The following LRRC7 variants were observed in gnomAD, a reference collection of about 807,000 sequenced individuals.
The protein encoded by LRRC7 is leucine-rich repeat-containing protein 7.
A neutral mutation model predicts 175.7 loss-of-function variants in LRRC7; 23 were observed. The ratio of observed to expected loss-of-function variants is 0.13; its 90% confidence interval spans 0.09 to 0.19. The LOEUF is 0.19. LRRC7 is among the 10% of genes least tolerant of loss of function. The probability of loss-of-function intolerance (pLI) is 1.00; values close to 1 mark genes in which losing one functional copy is unlikely to be tolerated. For missense variants in LRRC7, 1,354 were observed against 1,904.7 expected (o/e 0.71, Z 5.38); for synonymous variants, 685 against 680.9 (o/e 1.01, Z -0.09).
intron 1 of LRRC7, among the ~76,000 whole-genome samples, chr1:69,677,791 A>T (rs551702916): frequency 1.7e-4 from 26 of 152,018 alleles, no homozygotes; most frequent in Admixed American, 4.6e-4. Flanking sequence ...AATACCATAG[A>T]CTCGGTGGCT....
intron 4 of LRRC7, among the ~76,000 whole-genome samples, chr1:69,823,388 T>G (rs1679526769): frequency 6.6e-6 from 1 of 152,192 alleles, no homozygotes; most frequent in Admixed American, 6.5e-5. Context: ...TCTTCTATAG[T>G]TTTTCTTTCA....
intron 7 of LRRC7, among the ~76,000 whole-genome samples, chr1:69,840,440 A>G (rs542758905): frequency 7.2e-5 from 11 of 152,186 alleles, no homozygotes; most frequent in African/African-American, 2.4e-4. Flanking sequence ...CTGAGAAGAG[A>G]TAACTCATGA....
chr1:69,757,471 C>T (rs922154592), intron 2 of LRRC7, among the ~76,000 whole-genome samples: 4 of 151,878 alleles, frequency 2.6e-5, no homozygotes, highest in Non-Finnish European at 5.9e-5. Flanking sequence ...GAAGAATTCC[C>T]ATGGAGCAGA....
At chr1:70,008,789 G>A (rs1656218649) in intron 11 of LRRC7, among the ~76,000 whole-genome samples, 1 of 152,128 alleles carries the variant, frequency 6.6e-6, no homozygotes, top group Non-Finnish European at 1.5e-5. Context: ...GAGACAGGAA[G>A]GCAACACATG....
At chr1:70,083,032 A>G (rs1474638195) in intron 24 of LRRC7, among the ~76,000 whole-genome samples, 3 of 151,318 alleles carry the variant, frequency 2.0e-5, no homozygotes, top group African/African-American at 7.3e-5. Flanking sequence ...TGATCCACCC[A>G]CCTCAGCCTC....
intron 2 of LRRC7, among the ~76,000 whole-genome samples, chr1:69,686,317 G>A (rs1215660659): frequency 6.6e-6 from 1 of 152,108 alleles, no homozygotes; most frequent in African/African-American, 2.4e-5. Flanking sequence ...AGGAAGTAAA[G>A]AACAGTAGAA....
At chr1:69,905,904 T>A (rs923867608) in intron 7 of LRRC7, among the ~76,000 whole-genome samples, 8 of 152,214 alleles carry the variant, frequency 5.3e-5, no homozygotes, top group Non-Finnish European at 1.0e-4. Flanking sequence ...TTTCTCCACA[T>A]CCTCTCCAGC....
intron 2 of LRRC7, among the ~76,000 whole-genome samples, chr1:69,724,418 G>A (rs573764956): frequency 6.6e-6 from 1 of 152,286 alleles, no homozygotes; most frequent in Admixed American, 6.5e-5. Flanking sequence ...TGTGACAGCA[G>A]TTTGAGAGAT....
In LRRC7 at chr1:69,680,113, G is replaced by GAGCAGCAGC. The variant is rs761659533; in HGVS notation, c.100+1646_100+1654dup. 2.6e-5 allele frequency among the ~76,000 whole-genome samples: 4 copies of GAGCAGCAGC among 152,134 alleles called. No individual in the cohort carries two copies. In the South Asian group the frequency reaches 8.3e-4, roughly 32 times the overall value. Reference sequence around the variant, plus strand: ...CCTCAAATTGTGATCTCCAGGCTAAGAGCAGCAGCAGCAGCAGCATCTGGG... The same window carrying GAGCAGCAGC: ...CCTCAAATTGTGATCTCCAGGCTAAGAGCAGCAGCAGCAGCAGCAGCAGCAGCATCTGGG... On this transcript the variant is annotated intron_variant, in intron 2 of 26. Coordinates refer to ENST00000651989, the MANE Select transcript of LRRC7 (RefSeq NM_001370785.2).
intron 7 of LRRC7, among the ~76,000 whole-genome samples, chr1:69,858,332 G>T (rs1166252129): frequency 2.0e-5 from 3 of 152,048 alleles, no homozygotes; most frequent in Non-Finnish European, 4.4e-5. Context: ...ACAACCTACA[G>T]AATGGAAGAA....
intron 2 of LRRC7, among the ~76,000 whole-genome samples, chr1:69,719,878 TC>T (rs1204335913): frequency 6.6e-6 from 1 of 151,662 alleles, no homozygotes; most frequent in African/African-American, 2.4e-5. Flanking sequence ...ACTTTTTATC[TC>T]TAATAATGCC....
chr1:69,826,050 A>G (rs191199301), intron 5 of LRRC7, among the ~76,000 whole-genome samples: 2 of 152,160 alleles, frequency 1.3e-5, no homozygotes, highest in Admixed American at 6.6e-5. Context: ...ATGACTTTGA[A>G]ACAAACTTTG....
At chr1:70,009,849 A>G (rs1266933496) in intron 11 of LRRC7, among the ~76,000 whole-genome samples, 3 of 152,220 alleles carry the variant, frequency 2.0e-5, no homozygotes, top group African/African-American at 7.2e-5. Context: ...AGTCAGACTG[A>G]TCCTAATTGC....
chr1:70,127,961 T>C lies in LRRC7; in HGVS notation c.*6074T>C, dbSNP rs1268675580. Among the ~76,000 whole-genome samples the C allele has an allele frequency of 6.6e-6, 1 of 152,180 alleles. No individual in the cohort carries two copies. Among genetic ancestry groups the C allele is most frequent in the Admixed American group, 6.5e-5 (1 of 15,274 alleles). The stretch of plus-strand genomic sequence containing the variant: ...AAAGACTTTTATGTGACTTTTTCTT[T>C]TCTTTCTTTTTTTTTCTTGAGACAG... On this transcript the variant is annotated 3_prime_UTR_variant, in exon 27 of 27. Transcript: ENST00000651989.
At chr1:69,776,550 T>C (rs2101003039) in intron 3 of LRRC7, among the ~76,000 whole-genome samples, 1 of 152,336 alleles carries the variant, frequency 6.6e-6, no homozygotes, top group South Asian at 2.1e-4. Context: ...TTGTTGTTTC[T>C]ATAACGAACC....
intron 1 of LRRC7, among the ~76,000 whole-genome samples, chr1:69,613,989 TTATC>T (rs1557486562): frequency 2.0e-5 from 3 of 151,994 alleles, no homozygotes; most frequent in African/African-American, 7.2e-5. Flanking sequence ...ATAATAATAT[TTATC>T]TATCCTACAA....
intron 1 of LRRC7, among the ~76,000 whole-genome samples, chr1:69,595,721 T>C (rs1405677280): frequency 6.6e-6 from 1 of 152,250 alleles, no homozygotes; most frequent in Non-Finnish European, 1.5e-5. Flanking sequence ...TGCATGGCAT[T>C]CCTCATTTCG....
intron 2 of LRRC7, among the ~76,000 whole-genome samples, chr1:69,743,350 G>A (rs1407714174): frequency 6.6e-6 from 1 of 152,034 alleles, no homozygotes. Context: ...CTGTCTTAAA[G>A]ATGATGATTG....
At chr1:69,681,315 C>T (rs546326641) in intron 2 of LRRC7, among the ~76,000 whole-genome samples, 2 of 152,198 alleles carry the variant, frequency 1.3e-5, no homozygotes, top group African/African-American at 2.4e-5. Flanking sequence ...CTTTTCTGCA[C>T]TAAGAATTGA....
Sources: allele counts gnomAD v4.1 joint callset (sites outside exome capture counted in the v4.1 genomes callset), GRCh38; gene constraint gnomAD v4.1.1; transcripts MANE v1.5; gene names NCBI Gene and HGNC (gene_info 2026-07-23, HGNC 2026-07-21).